The following PCNX1 variants were observed in gnomAD, a reference collection of about 807,000 sequenced individuals.
The protein encoded by PCNX1 is pecanex-like protein 1.
Under a neutral mutation model 242.2 loss-of-function variants are expected in PCNX1, and 78 were observed. The observed-to-expected ratio is 0.32, with a 90% CI of 0.27 to 0.39. The LOEUF is 0.39. PCNX1 is among the 10% of genes least tolerant of loss of function. The pLI is 1.00. For missense variants in PCNX1, 2,581 were observed against 2,856.5 expected, an observed-to-expected ratio of 0.90 and a Z score of 2.20; for synonymous variants, 1,024 against 1,032.9, an observed-to-expected ratio of 0.99 and a Z score of 0.17.
intron 24 of PCNX1, chr14:71,053,331 GAC>G (rs1347483534): frequency 4.4e-6 from 2 of 449,634 alleles, no homozygotes; most frequent in East Asian, 7.0e-5. Flanking sequence ...GGAGTGCAAT[GAC>G]ACAATCTCGA....
At chr14:70,941,780 C>G (rs531733326) in intron 1 of PCNX1, among the ~76,000 whole-genome samples, 2 of 152,322 alleles carry the variant, frequency 1.3e-5, no homozygotes, top group East Asian at 1.9e-4. Flanking sequence ...GAGCTTCACC[C>G]AGTTAGAGCT....
Position 70,907,899 on chromosome 14 carries a change from C to A in PCNX1, c.49C>A (p.Leu17Ile). 6.4e-7 allele frequency: 1 copy of A among 1,573,096 alleles called. No homozygotes were observed. Among genetic ancestry groups the A allele is most frequent in the Non-Finnish European group, 8.6e-7 (1 of 1,163,118 alleles). ...QILRQGVWAALSGGWYYDPHQ... is the reference protein window; with the variant it reads ...QILRQGVWAAISGGWYYDPHQ... The stretch of plus-strand genomic sequence containing the variant: ...CCTCCGACAGGGGGTGTGGGCCGCG[C>A]TCAGCGGGGGCTGGTACTACGACCC... Residue 17 changes from leucine to isoleucine, a missense_variant, in exon 1 of 36, where the codon CTC (leucine) becomes ATC (isoleucine). Around this residue, in one of 9 missense-constraint regions of PCNX1, gnomAD observed 1,204 missense variants for 1,216.7 expected, o/e 0.99. Coordinates refer to ENST00000304743, the MANE Select transcript of PCNX1 (RefSeq NM_014982.3).
rs75055668 is a variant in PCNX1, at chr14:71,099,707, A to G, written c.5590-2283A>G. Among the ~76,000 whole-genome samples the G allele has an allele frequency of 6.9e-3, 1,054 of 152,246 alleles. 11 individuals carry two copies. Among genetic ancestry groups the G allele is most frequent in the African/African-American group, 0.024 (987 of 41,538 alleles). ...AGTCCCGTACTATTACTATGTGGCT[A>G]AGTCTTTTTGTAGGCCAGTAAAACC... On this transcript the variant is annotated intron_variant, in intron 30 of 35. Transcript: ENST00000304743.
At chr14:70,998,522 G>A (rs1017406365) in intron 8 of PCNX1, among the ~76,000 whole-genome samples, 39 of 151,760 alleles carry the variant, frequency 2.6e-4, no homozygotes, top group Middle Eastern at 3.4e-3. Context: ...AGGCCAAGAC[G>A]GGCAGATCAC....
At chr14:70,946,738 A>G in intron 1 of PCNX1, 177 bp from the exon 2 acceptor site, 4 of 569,996 alleles carry the variant, frequency 7.0e-6, no homozygotes, top group Non-Finnish European at 9.3e-6. Flanking sequence ...CAGTAGCCAC[A>G]TGTAGCTAGT....
intron 3 of PCNX1, among the ~76,000 whole-genome samples, chr14:70,963,685 A>G (rs1286798688): frequency 6.6e-6 from 1 of 152,252 alleles, no homozygotes; most frequent in African/African-American, 2.4e-5. Context: ...ACAGTTTTGA[A>G]CCTAGTACCT....
At chr14:70,965,141 C>T (rs2058338537) in intron 3 of PCNX1, among the ~76,000 whole-genome samples, 1 of 152,146 alleles carries the variant, frequency 6.6e-6, no homozygotes, top group African/African-American at 2.4e-5. Context: ...TCCTTCACCT[C>T]TGCCTTTCTC....
intron 26 of PCNX1, among the ~76,000 whole-genome samples, chr14:71,068,591 C>T (rs139822582): frequency 2.3e-4 from 29 of 124,018 alleles, no homozygotes; most frequent in East Asian, 1.3e-3. Flanking sequence ...TATGTACGTG[C>T]GTGTGTGTGT....
intron 2 of PCNX1, among the ~76,000 whole-genome samples, chr14:70,959,279 G>A (rs2058114296): frequency 1.3e-5 from 2 of 149,262 alleles, no homozygotes; most frequent in South Asian, 4.2e-4. Flanking sequence ...TGCACAATGT[G>A]CAGTTTAGTT....
intron 1 of PCNX1, among the ~76,000 whole-genome samples, chr14:70,943,775 T>C (rs961737546): frequency 4.6e-5 from 1 of 21,976 alleles, no homozygotes; most frequent in African/African-American, 2.1e-4. Flanking sequence ...GAAAAAATGG[T>C]TTCTTGGGCG....
In PCNX1 at chr14:71,013,129, C is replaced by A; in HGVS notation, c.2923C>A (p.Arg975Ser). The A allele has an allele frequency of 6.2e-6, 10 of 1,614,056 alleles. No individual in the cohort carries two copies. Among genetic ancestry groups the A allele is most frequent in the Non-Finnish European group, 8.5e-6 (10 of 1,179,980 alleles). Reference sequence around the variant, plus strand: ...TGCCCAAAAGGTTAAACACTATTATCGCTTTTGGATCCTACCCCAGCTGTG... The same window carrying A: ...TGCCCAAAAGGTTAAACACTATTATAGCTTTTGGATCCTACCCCAGCTGTG... ...EAAQKVKHYYRFWILPQLWIG... is the reference protein window; with the variant it reads ...EAAQKVKHYYSFWILPQLWIG... The change falls in exon 11 of 36, where the codon CGC becomes AGC. Residue 975 changes from arginine (R) to serine (S), a missense_variant. Around this residue, in one of 9 missense-constraint regions of PCNX1, gnomAD observed 1,204 missense variants for 1,216.7 expected, o/e 0.99. Transcript: ENST00000304743.
intron 22 of PCNX1, among the ~76,000 whole-genome samples, chr14:71,048,503 C>A (rs995701783): frequency 7.9e-5 from 12 of 152,184 alleles, no homozygotes; most frequent in African/African-American, 2.7e-4. Context: ...AACCTTGGTC[C>A]TCTGCCTCCT....
intron 1 of PCNX1, among the ~76,000 whole-genome samples, chr14:70,925,568 C>CTTTTT (rs71305848): frequency 1.3e-4 from 14 of 106,908 alleles, no homozygotes; most frequent in South Asian, 3.1e-4. Flanking sequence ...CTTACCTCAT[C>CTTTTT]TTTTTTTTTT....
intron 26 of PCNX1, among the ~76,000 whole-genome samples, chr14:71,068,465 T>TA (rs1376744722): frequency 6.7e-6 from 1 of 149,250 alleles, no homozygotes; most frequent in Non-Finnish European, 1.5e-5. Flanking sequence ...TGTATATACA[T>TA]ATATATGTGC....
At chr14:70,920,625 A>G (rs2056340653) in intron 1 of PCNX1, among the ~76,000 whole-genome samples, 1 of 152,224 alleles carries the variant, frequency 6.6e-6, no homozygotes, top group African/African-American at 2.4e-5. Flanking sequence ...AAAATGAAAT[A>G]ATTCCAAGAT....
At chr14:71,036,027 T>G (rs753072157) in intron 18 of PCNX1, 38 bp from the exon 19 acceptor site, 3 of 1,355,568 alleles carry the variant, frequency 2.2e-6, no homozygotes, top group Non-Finnish European at 1.0e-6. Context: ...TTTAAAAATT[T>G]TATGTAATTG....
intron 19 of PCNX1, among the ~76,000 whole-genome samples, chr14:71,043,513 C>CCCTTCCTT (rs908363125): frequency 1.4e-5 from 2 of 146,478 alleles, no homozygotes; most frequent in African/African-American, 2.5e-5. Flanking sequence ...CTCCCTCCCT[C>CCCTTCCTT]CCTTCCTTCC....
chr14:70,918,651 A>G (rs993323241), intron 1 of PCNX1, among the ~76,000 whole-genome samples: 2 of 152,220 alleles, frequency 1.3e-5, no homozygotes, highest in African/African-American at 4.8e-5. Flanking sequence ...AAAATGCAGT[A>G]TCTGTGAAGC....
intron 8 of PCNX1, among the ~76,000 whole-genome samples, chr14:71,003,264 T>G (rs1279780056): frequency 2.0e-5 from 3 of 151,944 alleles, no homozygotes; most frequent in Non-Finnish European, 4.4e-5. Context: ...TTTATTTTTG[T>G]ATTTTTAGTA....
Sources: gnomAD v4.1 joint callset for allele counts (sites outside exome capture counted in the v4.1 genomes callset) on GRCh38, gnomAD v4.1.1 for gene constraint, gnomAD v4.1.1 regional missense constraint, MANE v1.5 for transcripts, NCBI Gene and HGNC (gene_info 2026-07-23, HGNC 2026-07-21) for gene names.